Variants in TGFBR3 observed in about 807,000 individuals in gnomAD.
TGFBR3 encodes the protein transforming growth factor beta receptor 3.
A neutral mutation model predicts 87.9 loss-of-function variants in TGFBR3; 46 were observed. The ratio of observed to expected loss-of-function variants is 0.52; its 90% CI spans 0.41 to 0.67. The LOEUF (loss-of-function observed/expected upper bound fraction) is 0.67, where lower values mean the gene tolerates loss of function less well. Ranked by LOEUF, TGFBR3 falls within the 30% of genes least tolerant of loss-of-function variation. TGFBR3 has a pLI of 0.00. For synonymous variants in TGFBR3, 381 were observed against 391.6 expected (o/e 0.97, Z 0.32); for missense variants, 866 against 1,041.9 (o/e 0.83, Z 2.32).
rs947802603 is a variant in TGFBR3, at chr1:91,680,863, C to T, written c.*2876G>A. On this transcript the variant is annotated 3_prime_UTR_variant, in exon 17 of 17. Transcript: ENST00000212355. ...TCTTATTACAAGGCAAAGAAAAAAACCATTTTTTTTGTTTAGAAAATGCTA... is the reference window on the plus strand; with the variant it reads ...TCTTATTACAAGGCAAAGAAAAAAATCATTTTTTTTGTTTAGAAAATGCTA... The T allele has an allele frequency of 2.2e-6, 1 of 447,608 alleles. No individual in the cohort carries two copies. Among genetic ancestry groups the T allele is most frequent in the African/African-American group, 2.0e-5 (1 of 49,576 alleles). The allele number at this position is 447,608 out of a possible 1,614,324, so 27.7% of individuals were successfully genotyped here. A position where few individuals can be genotyped will look rare whatever the true frequency, so the allele number is the denominator to read the frequency against.
intron 2 of TGFBR3, among the ~76,000 whole-genome samples, chr1:91,799,170 C>T (rs1001501632): frequency 6.6e-6 from 1 of 152,252 alleles, no homozygotes; most frequent in Non-Finnish European, 1.5e-5. Flanking sequence ...CCAGTCTGCA[C>T]CCAGAAGCAG....
Position 91,885,919 on chromosome 1 carries a change from T to C in TGFBR3, c.-155A>G, listed in dbSNP as rs1242174303. The stretch of plus-strand genomic sequence containing the variant: ...CCAGCGGAGATCCACCCGCAGCAAG[T>C]TGGAGGAAAGCGGCGGCAAGTTTCC... On this transcript the variant is annotated 5_prime_UTR_variant, in exon 1 of 17. Coordinates refer to ENST00000212355, the MANE Select transcript of TGFBR3 (RefSeq NM_003243.5). The C allele has an allele frequency of 6.8e-6, 3 of 441,362 alleles. No individual in the cohort carries two copies. Among genetic ancestry groups the C allele is most frequent in the Non-Finnish European group, 1.4e-5 (3 of 220,340 alleles). The allele number at this position is 441,362 out of a possible 1,614,324, so 27.3% of individuals were successfully genotyped here. A position where few individuals can be genotyped will look rare whatever the true frequency, so the allele number is the denominator to read the frequency against.
chr1:91,780,273 T>C (rs1674713344), intron 3 of TGFBR3, among the ~76,000 whole-genome samples: 1 of 152,218 alleles, frequency 6.6e-6, no homozygotes, highest in African/African-American at 2.4e-5. Context: ...CAGGTGTGGA[T>C]AAACAGTGAG....
chr1:91,804,994 T>C (rs1480999864), intron 2 of TGFBR3, among the ~76,000 whole-genome samples: 1 of 152,150 alleles, frequency 6.6e-6, no homozygotes, highest in African/African-American at 2.4e-5. Flanking sequence ...AAAGCAACAA[T>C]GCTCATAAGC....
intron 2 of TGFBR3, among the ~76,000 whole-genome samples, chr1:91,893,991 AG>A (rs1679498693): frequency 1.3e-5 from 2 of 150,300 alleles, no homozygotes; most frequent in South Asian, 4.2e-4. Context: ...GCACTTTGGG[AG>A]GCCAAAGTGG....
At chr1:91,839,413 C>G (rs1677185496) in intron 2 of TGFBR3, among the ~76,000 whole-genome samples, 1 of 152,174 alleles carries the variant, frequency 6.6e-6, no homozygotes, top group Admixed American at 6.5e-5. Context: ...TACTCCGTAA[C>G]ATTAAAATCC....
intron 13 of TGFBR3, among the ~76,000 whole-genome samples, chr1:91,709,456 T>C (rs1433541329): frequency 6.6e-6 from 1 of 152,248 alleles, no homozygotes; most frequent in Non-Finnish European, 1.5e-5. Flanking sequence ...CTATACTGCA[T>C]TATGAAGGTG....
chr1:91,695,734 A>T lies in TGFBR3; in HGVS notation c.2375T>A (p.Phe792Tyr). 6.2e-7 allele frequency: 1 copy of T among 1,614,206 alleles called. No individual in the cohort carries two copies. Among genetic ancestry groups the T allele is most frequent in the Non-Finnish European group, 8.5e-7 (1 of 1,180,018 alleles). The part of the protein sequence containing the change: ...LDTLTVMGIA[F>Y]AAFVIGALLT... ...GAGTGCTCCGATCACAAAGGCTGCA[A>T]ACGCAATGCCCATCACGGTTAGGGT... The change falls in exon 16 of 17, where the codon TTT becomes TAT. Residue 792 changes from phenylalanine to tyrosine, a missense_variant. Coordinates refer to ENST00000212355, the MANE Select transcript of TGFBR3 (RefSeq NM_003243.5).
intron 2 of TGFBR3, among the ~76,000 whole-genome samples, chr1:91,824,221 T>C (rs778001259): frequency 2.6e-5 from 4 of 152,226 alleles, no homozygotes; most frequent in Non-Finnish European, 4.4e-5. Context: ...AAAAAGAGTA[T>C]GTAGTACAGA....
rs34185299 is a variant in TGFBR3, at chr1:91,875,910, C to CAA, written c.-114+9966_-114+9967dup. Among the ~76,000 whole-genome samples the CAA allele has an allele frequency of 5.1e-3, 326 of 63,842 alleles. 4 individuals carry two copies. The highest frequency in any genetic ancestry group is 0.013 in the African/African-American group (225 of 17,200). The allele number at this position is 63,842 out of a possible 152,430, so 41.9% of individuals were successfully genotyped here. The stretch of plus-strand genomic sequence containing the variant: ...TGGGCAACAGAGTGAGACTCCGTCT[C>CAA]AAAAAAAAAAAAAAAAAAAGAAAGA... On this transcript the variant is annotated intron_variant, in intron 1 of 16. Transcript: ENST00000212355.
chr1:91,746,757 C>G (rs976535405), intron 4 of TGFBR3, among the ~76,000 whole-genome samples: 1 of 151,960 alleles, frequency 6.6e-6, no homozygotes, highest in African/African-American at 2.4e-5. Flanking sequence ...CTGATAATCT[C>G]AACTCCATTT....
intron 4 of TGFBR3, among the ~76,000 whole-genome samples, chr1:91,751,239 A>G (rs961748234): frequency 2.0e-5 from 3 of 152,252 alleles, no homozygotes; most frequent in Non-Finnish European, 4.4e-5. Context: ...AGATTTTTAA[A>G]TGTAACACAA....
chr1:91,892,688 G>A (rs928523181), intron 2 of TGFBR3, among the ~76,000 whole-genome samples: 1 of 152,094 alleles, frequency 6.6e-6, no homozygotes, highest in African/African-American at 2.4e-5. Flanking sequence ...CTCATCCTCG[G>A]ATCATCATCT....
intron 1 of TGFBR3, among the ~76,000 whole-genome samples, chr1:91,874,766 T>C (rs889190432): frequency 6.6e-6 from 1 of 152,182 alleles, no homozygotes; most frequent in Non-Finnish European, 1.5e-5. Context: ...GTGCTGGGAT[T>C]ACAGGCGTGA....
intron 1 of TGFBR3, among the ~76,000 whole-genome samples, chr1:91,882,039 A>AT (rs1679102882): frequency 1.9e-5 from 2 of 104,066 alleles, no homozygotes; most frequent in African/African-American, 6.9e-5. Flanking sequence ...ACTTTGTCTC[A>AT]AAAATAAATA....
chr1:91,759,566 A>G (rs146388816), intron 3 of TGFBR3, among the ~76,000 whole-genome samples: 157 of 152,280 alleles, frequency 1.0e-3, no homozygotes, highest in African/African-American at 3.5e-3. Flanking sequence ...GGCACACATG[A>G]GCCCAGGGCA....
chr1:91,691,278 A>G (rs1175904381), intron 16 of TGFBR3, among the ~76,000 whole-genome samples: 1 of 152,240 alleles, frequency 6.6e-6, no homozygotes. Context: ...ACTGAAAGAT[A>G]TGAGTTTCTA....
intron 2 of TGFBR3, among the ~76,000 whole-genome samples, chr1:91,842,680 C>G (rs190497176): frequency 9.8e-4 from 149 of 152,274 alleles, no homozygotes; most frequent in African/African-American, 3.4e-3. Context: ...GTTGTTCTAG[C>G]TCTCTCTCCC....
At chr1:91,889,315 C>T (rs1430624068), upstream of TGFBR3, among the ~76,000 whole-genome samples, 5 of 152,070 alleles carry the variant, frequency 3.3e-5, no homozygotes, top group South Asian at 4.1e-4. Flanking sequence ...TCACATCCAC[C>T]GACCTCAAAA....
Sources: gnomAD v4.1 joint callset for allele counts (sites outside exome capture counted in the v4.1 genomes callset) on GRCh38, gnomAD v4.1.1 for gene constraint, MANE v1.5 for transcripts, NCBI Gene and HGNC (gene_info 2026-07-23, HGNC 2026-07-21) for gene names.